SYT17: variants seen among roughly 807,000 people sequenced by gnomAD.
The protein encoded by SYT17 is synaptotagmin 17.
In SYT17, 22 loss-of-function variants were observed where a neutral mutation model predicts 46.7. The ratio of observed to expected loss-of-function variants is 0.47; its 90% confidence interval spans 0.34 to 0.67. SYT17 has a LOEUF of 0.67. Among genes scored for constraint, SYT17 ranks in the 30% least tolerant of loss-of-function variants. The probability of loss-of-function intolerance (pLI) is 0.01; values close to 1 mark genes in which losing one functional copy is unlikely to be tolerated. For synonymous variants in SYT17, 251 were observed against 248.4 expected (o/e 1.01, Z -0.10); for missense variants, 519 against 612.8 (o/e 0.85, Z 1.62).
At chr16:19,214,582 C>A (rs1414882794) in intron 5 of SYT17, among the ~76,000 whole-genome samples, 1 of 152,116 alleles carries the variant, frequency 6.6e-6, no homozygotes, top group Non-Finnish European at 1.5e-5. Flanking sequence ...ACCCCAGGGA[C>A]ATTTTTGTCC....
intron 5 of SYT17, among the ~76,000 whole-genome samples, chr16:19,214,549 G>C (rs1414160941): frequency 6.6e-6 from 1 of 152,122 alleles, no homozygotes; most frequent in East Asian, 1.9e-4. Context: ...AAGAAGGACT[G>C]AGAAGATGCT....
rs151029222 is a variant in SYT17 at position 19,265,336 on chromosome 16, G to C, written c.1229-1544G>C. On this transcript the variant is annotated intron_variant, in intron 7 of 7. Coordinates refer to ENST00000355377, the MANE Select transcript of SYT17 (RefSeq NM_016524.4). ...ACCAAATGTACAAAAAATATACATG[G>C]TCCAATTTTTCTCCACAGAGCTGAC... 4.4e-4 allele frequency among the ~76,000 whole-genome samples: 67 copies of C among 152,276 alleles called. 1 individual carries two copies. The East Asian group carries it at 4.6e-3, about 11-fold the overall frequency.
Position 19,252,484 on chromosome 16 carries a change from T to C in SYT17, c.1229-14396T>C, listed in dbSNP as rs78067826. Among the ~76,000 whole-genome samples the C allele has an allele frequency of 2.6e-4, 2 of 7,704 alleles. 1 individual carries two copies. Among genetic ancestry groups the C allele is most frequent in the Non-Finnish European group, 3.7e-4 (2 of 5,418 alleles). The allele number at this position is 7,704 out of a possible 152,430, so 5.1% of individuals were successfully genotyped here. A position where few individuals can be genotyped will look rare whatever the true frequency, so the allele number is the denominator to read the frequency against. On this transcript the variant is annotated intron_variant, in intron 7 of 7. Transcript: ENST00000355377. ...ATATATATATACATATATATATACA[T>C]ATATATATACATATATATATACATA...
chr16:19,238,632 G>A (rs1422888839), intron 7 of SYT17, among the ~76,000 whole-genome samples: 1 of 152,252 alleles, frequency 6.6e-6, no homozygotes, highest in Non-Finnish European at 1.5e-5. Flanking sequence ...TTGAATGGCT[G>A]TTTAATGACT....
intron 2 of SYT17, 25 bp from the exon 3 acceptor site, chr16:19,173,405 C>T (rs757254445): frequency 4.0e-5 from 50 of 1,250,726 alleles, no homozygotes; most frequent in East Asian, 1.0e-4. Flanking sequence ...CCCATCCCCC[C>T]GCCCACCTCC....
chr16:19,184,396 G>GTTT (rs373284896), intron 5 of SYT17, among the ~76,000 whole-genome samples: 3 of 142,848 alleles, frequency 2.1e-5, no homozygotes, highest in Admixed American at 7.0e-5. Flanking sequence ...GATTTCAGTA[G>GTTT]TTTTTTTTTT....
chr16:19,236,839 A>G (rs1414399925), intron 7 of SYT17, among the ~76,000 whole-genome samples: 4 of 152,150 alleles, frequency 2.6e-5, no homozygotes, highest in Non-Finnish European at 5.9e-5. Context: ...CCTCAATCAC[A>G]TACTGCTCAG....
intron 5 of SYT17, among the ~76,000 whole-genome samples, chr16:19,188,297 A>G (rs1373324650): frequency 2.0e-5 from 3 of 152,084 alleles, no homozygotes; most frequent in South Asian, 2.1e-4. Context: ...GAACACATGG[A>G]CACAGAGAGG....
At chr16:19,192,707 G>A in intron 5 of SYT17, among the ~76,000 whole-genome samples, 1 of 152,192 alleles carries the variant, frequency 6.6e-6, no homozygotes, top group East Asian at 1.9e-4. Context: ...GGTGACAAAG[G>A]ATGCAATTTG....
At chr16:19,212,563 G>A (rs1420859888) in intron 5 of SYT17, among the ~76,000 whole-genome samples, 1 of 152,244 alleles carries the variant, frequency 6.6e-6, no homozygotes, top group African/African-American at 2.4e-5. Flanking sequence ...AGAGGCGACA[G>A]TGAGCCAAGA....
chr16:19,195,585 G>A (rs1198353568), intron 5 of SYT17, among the ~76,000 whole-genome samples: 1 of 151,930 alleles, frequency 6.6e-6, no homozygotes, highest in African/African-American at 2.4e-5. Flanking sequence ...GCATGGTGGT[G>A]GGCGCCTCTA....
chr16:19,168,791 C>T lies in SYT17; in HGVS notation c.15+130C>T. ...AACTTGCTTCGAGAAAAAGGGTGCCCGTGCGCGGGCAACCTGTGCAGCAAC... is the reference window on the plus strand; with the variant it reads ...AACTTGCTTCGAGAAAAAGGGTGCCTGTGCGCGGGCAACCTGTGCAGCAAC... On this transcript the variant is annotated intron_variant, in intron 1 of 7. Transcript: ENST00000355377. The surrounding 1 kb of genome is among the most constrained non-coding windows in gnomAD (Gnocchi z 6.9). 8.3e-7 allele frequency: 1 copy of T among 1,210,610 alleles called. No individual in the cohort carries two copies. The highest frequency in any genetic ancestry group is 1.1e-6 in the Non-Finnish European group (1 of 901,398). 75.0% of individuals were successfully genotyped at this position (1,210,610 alleles called of 1,614,324 possible).
chr16:19,177,042 G>A (rs1422884135), intron 3 of SYT17, among the ~76,000 whole-genome samples: 1 of 152,158 alleles, frequency 6.6e-6, no homozygotes, highest in Non-Finnish European at 1.5e-5. Context: ...TTGCCCCCTA[G>A]ATATCCAAAT....
At chr16:19,211,515 G>C in intron 5 of SYT17, 2 of 702,934 alleles carry the variant, frequency 2.8e-6, no homozygotes, top group East Asian at 2.7e-5. Context: ...TGGAGGCAGA[G>C]GGGTGTTTTC....
intron 7 of SYT17, among the ~76,000 whole-genome samples, chr16:19,237,506 C>T (rs1966864834): frequency 1.3e-5 from 2 of 152,192 alleles, no homozygotes; most frequent in Admixed American, 6.5e-5. Flanking sequence ...AGTTACCGTC[C>T]CTTTCCACGG....
intron 4 of SYT17, among the ~76,000 whole-genome samples, chr16:19,181,276 G>C (rs1964546073): frequency 6.6e-6 from 1 of 152,142 alleles, no homozygotes; most frequent in Non-Finnish European, 1.5e-5. Flanking sequence ...CATGATTTGG[G>C]TGAGGAGGAA....
intron 5 of SYT17, among the ~76,000 whole-genome samples, chr16:19,210,378 A>AT (rs1480726377): frequency 1.3e-5 from 2 of 151,554 alleles, no homozygotes; most frequent in East Asian, 2.0e-4. Context: ...CAAACATTGA[A>AT]TTTTTTCCTT....
chr16:19,207,747 A>C (rs1054393237), intron 5 of SYT17, among the ~76,000 whole-genome samples: 1 of 152,136 alleles, frequency 6.6e-6, no homozygotes, highest in Admixed American at 6.5e-5. Context: ...CACTCCCTCA[A>C]AAATGAAAAT....
intron 3 of SYT17, among the ~76,000 whole-genome samples, chr16:19,176,057 T>C (rs1276592001): frequency 1.3e-5 from 2 of 152,158 alleles, no homozygotes; most frequent in Non-Finnish European, 2.9e-5. Flanking sequence ...CAGTCCTGCA[T>C]AAGACCTTGT....
Sources: gnomAD v4.1 joint callset for allele counts (sites outside exome capture counted in the v4.1 genomes callset) on GRCh38, gnomAD v4.1.1 for gene constraint, Gnocchi (gnomAD v3.1) non-coding constraint, MANE v1.5 for transcripts, NCBI Gene and HGNC (gene_info 2026-07-23, HGNC 2026-07-21) for gene names.